The following MARCHF1 variants were observed in gnomAD, a reference collection of about 807,000 sequenced individuals.
MARCHF1 encodes the protein membrane associated ring-CH-type finger 1.
Under a neutral mutation model 54.2 loss-of-function variants are expected in MARCHF1, and 40 were observed. That is an observed-to-expected ratio of 0.74 (90% CI 0.57 to 0.96). The LOEUF is 0.96. Ranked by LOEUF, MARCHF1 falls within the 40% of genes least tolerant of loss-of-function variation. The pLI, the probability that MARCHF1 is intolerant of heterozygous loss-of-function variation, is 0.00. For missense variants in MARCHF1, 586 were observed against 656.5 expected, an observed-to-expected ratio of 0.89 and a Z score of 1.17; for synonymous variants, 236 against 236.3, an observed-to-expected ratio of 1.00 and a Z score of 0.01.
chr4:163,541,967 T>C (rs1738736334), intron 9 of MARCHF1, among the ~76,000 whole-genome samples: 2 of 152,264 alleles, frequency 1.3e-5, no homozygotes, highest in Non-Finnish European at 2.9e-5. Context: ...TGAAAGTCAC[T>C]ATGGTTTCCA....
chr4:163,529,175 A>G (rs1738257886), intron 9 of MARCHF1, 129 bp from the exon 10 acceptor site: 2 of 649,090 alleles, frequency 3.1e-6, no homozygotes, highest in Admixed American at 3.1e-5. Flanking sequence ...GAAATAATAT[A>G]TTCTTCATAA....
chr4:163,802,936 T>C (rs1748122255), intron 4 of MARCHF1, among the ~76,000 whole-genome samples: 3 of 152,140 alleles, frequency 2.0e-5, no homozygotes, highest in Admixed American at 2.0e-4. Flanking sequence ...AAATGACTTC[T>C]GATGGCACAC....
chr4:163,944,212 G>A (rs1207192103), intron 3 of MARCHF1, among the ~76,000 whole-genome samples: 8 of 146,716 alleles, frequency 5.5e-5, no homozygotes, highest in Non-Finnish European at 1.2e-4. Context: ...TCGATCTCCT[G>A]ACCTCGTGAT....
intron 1 of MARCHF1, among the ~76,000 whole-genome samples, chr4:164,263,661 CA>C: frequency 6.6e-6 from 1 of 151,686 alleles, no homozygotes; most frequent in South Asian, 2.1e-4. Flanking sequence ...GAAAAACAAT[CA>C]ACCCCATTAA....
intron 7 of MARCHF1, among the ~76,000 whole-genome samples, chr4:163,590,666 TC>T (rs1740561669): frequency 6.6e-6 from 1 of 152,118 alleles, no homozygotes; most frequent in Admixed American, 6.6e-5. Flanking sequence ...TCCACGAATC[TC>T]TGACATACAA....
At chr4:163,641,296 A>G (rs529579239) in intron 5 of MARCHF1, among the ~76,000 whole-genome samples, 136 of 152,282 alleles carry the variant, frequency 8.9e-4, no homozygotes, top group African/African-American at 2.7e-3. Context: ...GGGAAATCAA[A>G]TAAGAATACT....
At chr4:164,109,089 G>C (rs184965163) in intron 2 of MARCHF1, among the ~76,000 whole-genome samples, 18 of 152,158 alleles carry the variant, frequency 1.2e-4, no homozygotes, top group African/African-American at 4.1e-4. Context: ...AGCGTGAGAT[G>C]CTTTGTGAAA....
chr4:164,258,478 G>T (rs1213417647), intron 1 of MARCHF1, among the ~76,000 whole-genome samples: 1 of 151,492 alleles, frequency 6.6e-6, no homozygotes, highest in African/African-American at 2.4e-5. Flanking sequence ...TTAATTATGG[G>T]TGTGGCACCC....
intron 4 of MARCHF1, among the ~76,000 whole-genome samples, chr4:163,741,746 A>T (rs1339646285): frequency 6.6e-6 from 1 of 152,064 alleles, no homozygotes; most frequent in Non-Finnish European, 1.5e-5. Context: ...AATAGAGAGG[A>T]TAAGGAGTGT....
At chr4:163,976,600 C>G (rs947212386) in intron 3 of MARCHF1, among the ~76,000 whole-genome samples, 1 of 152,144 alleles carries the variant, frequency 6.6e-6, no homozygotes, top group Non-Finnish European at 1.5e-5. Context: ...GCCTCAATGA[C>G]GTCTGGTGAT....
intron 2 of MARCHF1, among the ~76,000 whole-genome samples, chr4:164,052,234 A>T (rs1175259083): frequency 7.8e-5 from 11 of 141,084 alleles, no homozygotes; most frequent in African/African-American, 1.3e-4. Flanking sequence ...AATAATAAAG[A>T]TAATGTGGCT....
chr4:163,913,365 C>T (rs941288686), intron 3 of MARCHF1, among the ~76,000 whole-genome samples: 1 of 152,096 alleles, frequency 6.6e-6, no homozygotes, highest in African/African-American at 2.4e-5. Context: ...AATACAACTG[C>T]CCTGGCTTTT....
chr4:164,344,284 T>C (rs905314923), intron 1 of MARCHF1, among the ~76,000 whole-genome samples: 1 of 152,192 alleles, frequency 6.6e-6, no homozygotes, highest in African/African-American at 2.4e-5. Context: ...CTATGTTTAT[T>C]ACTGGAGTGA....
intron 5 of MARCHF1, among the ~76,000 whole-genome samples, chr4:163,644,931 T>C: frequency 6.6e-6 from 1 of 152,106 alleles, no homozygotes; most frequent in Admixed American, 6.6e-5. Flanking sequence ...CTAAGAGACA[T>C]ACCCCAGAGA....
At chr4:163,847,226 T>C (rs541493427) in intron 4 of MARCHF1, among the ~76,000 whole-genome samples, 1 of 152,200 alleles carries the variant, frequency 6.6e-6, no homozygotes, top group South Asian at 2.1e-4. Flanking sequence ...TTCTTGATCT[T>C]TCGTTTTGTA....
chr4:163,933,700 T>C (rs183665188), intron 3 of MARCHF1, among the ~76,000 whole-genome samples: 75 of 152,360 alleles, frequency 4.9e-4, no homozygotes, highest in Non-Finnish European at 1.5e-4. Context: ...AACTTTTCCA[T>C]GCTCCTAATG....
intron 4 of MARCHF1, among the ~76,000 whole-genome samples, chr4:163,820,442 T>C (rs890756010): frequency 6.6e-6 from 1 of 152,086 alleles, no homozygotes; most frequent in Non-Finnish European, 1.5e-5. Context: ...TTTCTTGTTT[T>C]ATCCTCTTTC....
intron 8 of MARCHF1, among the ~76,000 whole-genome samples, chr4:163,566,471 C>G (rs1036183812): frequency 6.6e-6 from 1 of 152,332 alleles, no homozygotes; most frequent in African/African-American, 2.4e-5. Context: ...TGGCTCCAAC[C>G]TGTGCAGGGC....
intron 3 of MARCHF1, among the ~76,000 whole-genome samples, chr4:163,899,888 CT>C (rs896960810): frequency 2.8e-5 from 2 of 71,180 alleles, no homozygotes; most frequent in Non-Finnish European, 7.0e-5. Context: ...TTCTTTTTTT[CT>C]TTTTTTAAAC....
Sources: allele counts gnomAD v4.1 joint callset (sites outside exome capture counted in the v4.1 genomes callset), GRCh38; gene constraint gnomAD v4.1.1; transcripts MANE v1.5; gene names NCBI Gene and HGNC (gene_info 2026-07-23, HGNC 2026-07-21).